EYS: variants seen among roughly 807,000 people sequenced by gnomAD.
The protein encoded by EYS is EGF-like photoreceptor maintenance factor.
In EYS, 250 loss-of-function variants were observed where a neutral mutation model predicts 282.1. The ratio of observed to expected loss-of-function variants is 0.89; its 90% CI spans 0.80 to 0.98. The LOEUF is 0.98. EYS is among the 50% of genes least tolerant of loss of function. The pLI is 0.00. For synonymous variants in EYS, 1,355 were observed against 1,282.9 expected, an observed-to-expected ratio of 1.06 and a Z score of -1.20; for missense variants, 4,016 against 3,709.0, an observed-to-expected ratio of 1.08 and a Z score of -2.15.
chr6:65,657,538 G>A (rs1448817413), intron 1 of EYS, among the ~76,000 whole-genome samples: 3 of 151,848 alleles, frequency 2.0e-5, no homozygotes, highest in Non-Finnish European at 4.4e-5. Context: ...AGAACTAGAA[G>A]TGGGAGAGGA....
chr6:65,685,691 A>C (rs1351304208), intron 1 of EYS, among the ~76,000 whole-genome samples: 1 of 151,998 alleles, frequency 6.6e-6, no homozygotes, highest in Non-Finnish European at 1.5e-5. Context: ...TATTTCCATT[A>C]CAGCGAAATG....
intron 11 of EYS, among the ~76,000 whole-genome samples, chr6:65,319,204 C>CAAAAAAAAAAAAA (rs55687610): frequency 4.7e-4 from 21 of 44,358 alleles, no homozygotes; most frequent in African/African-American, 7.0e-4. Context: ...ACTAAAAATG[C>CAAAAAAAAAAAAA]AAAAAAAAAA....
At chr6:64,869,628 G>A (rs1216259271) in intron 19 of EYS, among the ~76,000 whole-genome samples, 1 of 151,546 alleles carries the variant, frequency 6.6e-6, no homozygotes, top group African/African-American at 2.4e-5. Flanking sequence ...GAAACATGAT[G>A]AACAAAATCT....
At chr6:64,905,038 C>T (rs961715354) in intron 16 of EYS, among the ~76,000 whole-genome samples, 2 of 152,164 alleles carry the variant, frequency 1.3e-5, no homozygotes, top group African/African-American at 4.8e-5. Flanking sequence ...TCACGTGCTG[C>T]ATAACAACAT....
intron 18 of EYS, among the ~76,000 whole-genome samples, chr6:64,890,197 T>A (rs1767243014): frequency 6.6e-6 from 1 of 152,102 alleles, no homozygotes; most frequent in South Asian, 2.1e-4. Context: ...AAACCCTGTC[T>A]CCTGATAAGA....
chr6:64,525,826 A>G (rs2150528564), intron 26 of EYS, among the ~76,000 whole-genome samples: 1 of 151,922 alleles, frequency 6.6e-6, no homozygotes, highest in Admixed American at 6.6e-5. Context: ...TTAAAAAACT[A>G]ACCATGCAAC....
rs530536877 is a variant in EYS, at chr6:65,443,318, A to G, written c.863-37951T>C. Among the ~76,000 whole-genome samples the G allele has an allele frequency of 7.1e-5, 8 of 111,952 alleles. 3 individuals carry two copies. The highest frequency in any genetic ancestry group is 2.1e-4 in the Admixed American group (2 of 9,714). 73.4% of individuals were successfully genotyped at this position (111,952 alleles called of 152,430 possible). A position where few individuals can be genotyped will look rare whatever the true frequency, so the allele number is the denominator to read the frequency against. On this transcript the variant is annotated intron_variant, in intron 5 of 42. Coordinates refer to ENST00000503581, the MANE Select transcript of EYS (RefSeq NM_001142800.2). ...TGCATACATGTGTGTACACATATAG[A>G]CATATATGCATACATGTATGTACAC... is the stretch of plus-strand genomic sequence containing the variant.
At position 65,004,622 on chromosome 6, in the gene EYS, G is replaced by A. The variant is rs953334665; in HGVS notation, c.2138-6919C>T. Among the ~76,000 whole-genome samples the A allele has an allele frequency of 4.7e-5, 7 of 147,720 alleles. 1 individual carries two copies. The highest frequency in any genetic ancestry group is 7.6e-5 in the Non-Finnish European group (5 of 65,960). ...AGCTCCATTCTCACAAGAATCACTAGCTTTGCAAGGTCCAAATTCACAGTG... is the reference window on the plus strand; with the variant it reads ...AGCTCCATTCTCACAAGAATCACTAACTTTGCAAGGTCCAAATTCACAGTG... On this transcript the variant is annotated intron_variant, in intron 13 of 42. Coordinates refer to ENST00000503581, the MANE Select transcript of EYS (RefSeq NM_001142800.2).
chr6:64,612,044 C>T (rs1229259461), intron 24 of EYS, among the ~76,000 whole-genome samples: 4 of 152,024 alleles, frequency 2.6e-5, no homozygotes, highest in Non-Finnish European at 5.9e-5. Context: ...AGACCAGAAA[C>T]ATAGACATAC....
At chr6:63,841,164 T>C (rs1771946869) in intron 36 of EYS, among the ~76,000 whole-genome samples, 1 of 152,198 alleles carries the variant, frequency 6.6e-6, no homozygotes, top group South Asian at 2.1e-4. Context: ...TTTAGTCACA[T>C]GGTAAGACTA....
chr6:64,451,986 A>G (rs1277443888), intron 26 of EYS, among the ~76,000 whole-genome samples: 3 of 152,210 alleles, frequency 2.0e-5, no homozygotes, highest in Non-Finnish European at 4.4e-5. Flanking sequence ...CTTATTCAAC[A>G]TAGTGTTGGA....
intron 2 of EYS, among the ~76,000 whole-genome samples, chr6:65,509,202 G>C (rs7759568): frequency 0.63 from 96,374 of 152,096 alleles, 31,531 homozygotes; most frequent in African/African-American, 0.8. Flanking sequence ...TCTGCAGGAG[G>C]TACAGACTGA....
At chr6:65,614,205 T>A (rs989325727) in intron 2 of EYS, among the ~76,000 whole-genome samples, 3 of 152,024 alleles carry the variant, frequency 2.0e-5, no homozygotes, top group African/African-American at 7.2e-5. Flanking sequence ...TGAGTGTTTT[T>A]GGAGATATGG....
At position 64,686,820 on chromosome 6, in the gene EYS, T is replaced by TAC. The variant is rs1770140574; in HGVS notation, c.3444-60576_3444-60575insGT. 8.0e-4 allele frequency among the ~76,000 whole-genome samples: 30 copies of TAC among 37,574 alleles called. 4 individuals carry two copies. Among genetic ancestry groups the TAC allele is most frequent in the South Asian group, 1.9e-3 (2 of 1,046 alleles). 24.7% of individuals were successfully genotyped at this position (37,574 alleles called of 152,430 possible). A position where few individuals can be genotyped will look rare whatever the true frequency, so the allele number is the denominator to read the frequency against. On this transcript the variant is annotated intron_variant, in intron 22 of 42. Coordinates refer to ENST00000503581, the MANE Select transcript of EYS (RefSeq NM_001142800.2). ...ATATATATATGTGTGTATATATATA[T>TAC]GTGTATATATATATATACGTGTATA...
intron 22 of EYS, among the ~76,000 whole-genome samples, chr6:64,699,936 T>A (rs1770722463): frequency 6.6e-6 from 1 of 151,950 alleles, no homozygotes; most frequent in Non-Finnish European, 1.5e-5. Context: ...TAGATATAGA[T>A]GCAAAAATCC....
Position 65,218,352 on chromosome 6 carries a change from T to A in EYS, c.2023+77511A>T, listed in dbSNP as rs181683043. On this transcript the variant is annotated intron_variant, in intron 12 of 42. Transcript: ENST00000503581. ...TTTAGTTATTGGCATGCAGATGGTA[T>A]GAAGCATATTTGATGCTAACATTTT... 1.6e-3 allele frequency among the ~76,000 whole-genome samples: 248 copies of A among 152,290 alleles called. 2 individuals carry two copies. Among genetic ancestry groups the A allele is most frequent in the African/African-American group, 5.5e-3 (228 of 41,586 alleles).
intron 26 of EYS, among the ~76,000 whole-genome samples, chr6:64,576,489 GA>G (rs1765886056): frequency 6.6e-6 from 1 of 151,946 alleles, no homozygotes. Flanking sequence ...GCCAGAGGGG[GA>G]AAAATACCAA....
At chr6:64,781,895 G>A (rs1028914697) in intron 22 of EYS, among the ~76,000 whole-genome samples, 1 of 152,136 alleles carries the variant, frequency 6.6e-6, no homozygotes, top group African/African-American at 2.4e-5. Flanking sequence ...CTCATATTAT[G>A]TTTCCTCTCA....
chr6:65,533,748 C>G (rs938573444), intron 2 of EYS, among the ~76,000 whole-genome samples: 3 of 152,114 alleles, frequency 2.0e-5, no homozygotes, highest in African/African-American at 7.2e-5. Flanking sequence ...CATATGGAGT[C>G]TGCTGGCACC....
Sources: allele counts gnomAD v4.1 joint callset (sites outside exome capture counted in the v4.1 genomes callset), GRCh38; gene constraint gnomAD v4.1.1; transcripts MANE v1.5; gene names NCBI Gene and HGNC (gene_info 2026-07-23, HGNC 2026-07-21).